Variants in TRPC3 observed in about 807,000 individuals in gnomAD.
TRPC3 encodes short transient receptor potential channel 3.
In TRPC3, 54 loss-of-function variants were observed where a neutral mutation model predicts 90.9. That is an observed-to-expected ratio of 0.59 (90% CI 0.48 to 0.75). TRPC3 has a LOEUF of 0.75. Among genes scored for constraint, TRPC3 ranks in the 30% least tolerant of loss-of-function variants. The pLI is 0.00. For missense variants in TRPC3, 918 were observed against 1,194.5 expected (o/e 0.77, Z 3.41); for synonymous variants, 424 against 450.9 (o/e 0.94, Z 0.75).
At chr4:121,886,406 T>C (rs947935153) in intron 10 of TRPC3, among the ~76,000 whole-genome samples, 4 of 152,180 alleles carry the variant, frequency 2.6e-5, no homozygotes, top group Admixed American at 6.5e-5. Flanking sequence ...AGTAAAATTT[T>C]AGAAAGGAAA....
intron 2 of TRPC3, among the ~76,000 whole-genome samples, chr4:121,926,251 G>C (rs982134428): frequency 1.3e-5 from 2 of 152,222 alleles, no homozygotes; most frequent in African/African-American, 2.4e-5. Context: ...GACTGGCTCC[G>C]CCTTTGTTAT....
chr4:121,951,867 G>A lies in TRPC3; in HGVS notation c.-187C>T, dbSNP rs575337752. 1.1e-4 allele frequency: 44 copies of A among 411,952 alleles called. No individual in the cohort carries two copies. Among genetic ancestry groups the A allele is most frequent in the Non-Finnish European group, 1.7e-4 (40 of 241,918 alleles). The allele number at this position is 411,952 out of a possible 1,614,324, so 25.5% of individuals were successfully genotyped here. On this transcript the variant is annotated 5_prime_UTR_variant, in exon 1 of 12. Transcript: ENST00000379645. This position sits in a 1 kb window ranked among gnomAD's most constrained non-coding sequence, Gnocchi z 4.4. Reference sequence around the variant, plus strand: ...GATCCAGCAGTTAGAGGCTAGCGCCGAAGCCGAGCTGCCGCCGCCCACCAT... The same window carrying A: ...GATCCAGCAGTTAGAGGCTAGCGCCAAAGCCGAGCTGCCGCCGCCCACCAT...
At chr4:121,920,940 T>G (rs2149132823) in intron 3 of TRPC3, among the ~76,000 whole-genome samples, 1 of 152,304 alleles carries the variant, frequency 6.6e-6, no homozygotes, top group Non-Finnish European at 1.5e-5. Flanking sequence ...CATACAGAGG[T>G]TTTAAATTAT....
intron 6 of TRPC3, among the ~76,000 whole-genome samples, chr4:121,909,034 G>T (rs544507119): frequency 6.6e-6 from 1 of 152,150 alleles, no homozygotes; most frequent in South Asian, 2.1e-4. Context: ...AGGGAAGCCT[G>T]AATCCATCCC....
chr4:121,908,875 T>A (rs896626839), intron 6 of TRPC3, among the ~76,000 whole-genome samples: 11 of 152,202 alleles, frequency 7.2e-5, no homozygotes, highest in Non-Finnish European at 1.6e-4. Flanking sequence ...AAAAAAAGTT[T>A]AAAAAATTAA....
intron 2 of TRPC3, among the ~76,000 whole-genome samples, chr4:121,930,533 A>G (rs1729870213): frequency 6.6e-6 from 1 of 152,180 alleles, no homozygotes; most frequent in Non-Finnish European, 1.5e-5. Context: ...CCATGGTTGC[A>G]CTGAGCTGAC....
chr4:121,918,364 C>T (rs1217261373), intron 3 of TRPC3, among the ~76,000 whole-genome samples: 2 of 152,192 alleles, frequency 1.3e-5, no homozygotes, highest in Non-Finnish European at 2.9e-5. Context: ...GTTTTAAACT[C>T]TTGAGGACAG....
chr4:121,881,543 T>C (rs1296100097), intron 11 of TRPC3, among the ~76,000 whole-genome samples: 4 of 152,236 alleles, frequency 2.6e-5, no homozygotes, highest in African/African-American at 9.6e-5. Context: ...CAGGTTTCTC[T>C]TCTACATACA....
At position 121,933,161 on chromosome 4, in the gene TRPC3, G is replaced by C. The variant is rs79586532; in HGVS notation, c.216-119C>G. 1.1e-5 allele frequency: 15 copies of C among 1,398,820 alleles called. No homozygotes were observed. The South Asian group carries it at 2.6e-4, about 24-fold the overall frequency. 86.7% of individuals were successfully genotyped at this position (1,398,820 alleles called of 1,614,324 possible). On this transcript the variant is annotated intron_variant, in intron 1 of 11. Transcript: ENST00000379645. ...CTGCAAACCTCTGGCTGCAGGGGTCGGCTCAGTTGCTAGCGATACCGTTGC... is the reference window on the plus strand; with the variant it reads ...CTGCAAACCTCTGGCTGCAGGGGTCCGCTCAGTTGCTAGCGATACCGTTGC...
rs1258858553 is a variant in TRPC3 at position 121,879,646 on chromosome 4, A to C, written c.*90T>G. On this transcript the variant is annotated 3_prime_UTR_variant, in exon 12 of 12. Transcript: ENST00000379645. ...ATGATAAAGGTAGTTAATACTAAAA[A>C]TTTACATCATAGTTTTTCAAGTATT... is the stretch of plus-strand genomic sequence containing the variant. 4.2e-6 allele frequency: 6 copies of C among 1,440,774 alleles called. No homozygotes were observed. The highest frequency in any genetic ancestry group is 2.8e-6 in the Non-Finnish European group (3 of 1,068,146). The allele number at this position is 1,440,774 out of a possible 1,614,324, so 89.2% of individuals were successfully genotyped here.
intron 3 of TRPC3, among the ~76,000 whole-genome samples, chr4:121,922,731 G>C (rs1310568197): frequency 6.6e-6 from 1 of 152,176 alleles, no homozygotes; most frequent in Non-Finnish European, 1.5e-5. Context: ...ACATATTGCA[G>C]GATGTGTGAA....
chr4:121,916,813 A>C (rs992230915), intron 3 of TRPC3, among the ~76,000 whole-genome samples: 3 of 152,170 alleles, frequency 2.0e-5, no homozygotes, highest in Non-Finnish European at 1.5e-5. Flanking sequence ...TCCCGGGTTC[A>C]AGTGATTCTC....
intron 3 of TRPC3, among the ~76,000 whole-genome samples, chr4:121,921,845 T>G (rs528800494): frequency 6.6e-6 from 1 of 151,630 alleles, no homozygotes; most frequent in East Asian, 1.9e-4. Context: ...GTGATATTTT[T>G]CCTCCTGTGA....
intron 7 of TRPC3, among the ~76,000 whole-genome samples, chr4:121,906,677 G>A (rs1255380778): frequency 6.6e-6 from 1 of 152,024 alleles, no homozygotes; most frequent in African/African-American, 2.4e-5. Context: ...GCAGTAGAAG[G>A]GGGGCCCTAT....
chr4:121,939,760 T>G lies in TRPC3; in HGVS notation c.216-6718A>C, dbSNP rs141343284. ...GGGAGCTGAGCTGAAACCAAGTACT[T>G]GAGGGAGCATATCTGGGTTTCTAAC... is the stretch of plus-strand genomic sequence containing the variant. On this transcript the variant is annotated intron_variant, in intron 1 of 11. Coordinates refer to ENST00000379645, the MANE Select transcript of TRPC3 (RefSeq NM_001130698.2). 2.8e-3 allele frequency among the ~76,000 whole-genome samples: 427 copies of G among 152,268 alleles called. 3 individuals carry two copies. The highest frequency in any genetic ancestry group is 9.9e-3 in the African/African-American group (411 of 41,548).
intron 1 of TRPC3, among the ~76,000 whole-genome samples, chr4:121,949,522 T>A (rs1730610841): frequency 6.6e-6 from 1 of 152,058 alleles, no homozygotes; most frequent in Non-Finnish European, 1.5e-5. Context: ...CAACAATAAA[T>A]AAACACTGTT....
rs754235477 is a variant in TRPC3, at chr4:121,899,619, C to T, written c.2540G>A (p.Arg847His). 6 of 1,612,840 alleles carry T rather than the reference C, an allele frequency of 3.7e-6. No individual in the cohort carries two copies. The highest frequency in any genetic ancestry group is 1.7e-5 in the Admixed American group (1 of 59,964). ...CGTCTAATGAATGCTTACCTGATAA[C>T]GTGTTGGCTGATTGAGAATGCTGTT... is the stretch of plus-strand genomic sequence containing the variant. ...SFNSILNQPT[R>H]YQQIMKRLIK... Residue 847 changes from arginine to histidine, a missense_variant, in exon 10 of 12, where the codon CGT becomes CAT. Arg to His is a conservative substitution (Grantham distance 29). Transcript: ENST00000379645.
chr4:121,897,548 C>A (rs1231431367), intron 10 of TRPC3, among the ~76,000 whole-genome samples: 1 of 116,674 alleles, frequency 8.6e-6, no homozygotes, highest in African/African-American at 3.2e-5. Flanking sequence ...AGAATACATA[C>A]AAATGGTCAA....
chr4:121,894,563 T>G (rs866494757), intron 10 of TRPC3, among the ~76,000 whole-genome samples: 11 of 130,398 alleles, frequency 8.4e-5, no homozygotes, highest in Non-Finnish European at 1.2e-4. Flanking sequence ...CTGTTTTTTT[T>G]TTTTTTTTTT....
Sources: allele counts gnomAD v4.1 joint callset (sites outside exome capture counted in the v4.1 genomes callset), GRCh38; gene constraint gnomAD v4.1.1; non-coding constraint Gnocchi (gnomAD v3.1); transcripts MANE v1.5; gene names NCBI Gene and HGNC (gene_info 2026-07-23, HGNC 2026-07-21).